The following KIAA1217 variants were observed in gnomAD, a reference collection of about 807,000 sequenced individuals.
KIAA1217 encodes sickle tail protein homolog.
Under a neutral mutation model 163.9 loss-of-function variants are expected in KIAA1217, and 88 were observed. That is an observed-to-expected ratio of 0.54 (90% CI 0.45 to 0.64). The LOEUF is 0.64. KIAA1217 is among the 30% of genes least tolerant of loss of function. The pLI, the probability that KIAA1217 is intolerant of heterozygous loss-of-function variation, is 0.00. For synonymous variants in KIAA1217, 903 were observed against 923.1 expected (o/e 0.98, Z 0.39); for missense variants, 2,372 against 2,475.0 (o/e 0.96, Z 0.88).
chr10:24,483,429 C>T (rs1333842072), intron 6 of KIAA1217, among the ~76,000 whole-genome samples: 1 of 152,154 alleles, frequency 6.6e-6, no homozygotes, highest in Admixed American at 6.5e-5. Context: ...CCTTTCATGT[C>T]GAGCCTCAGC....
intron 9 of KIAA1217, among the ~76,000 whole-genome samples, chr10:24,505,385 C>T (rs1215197559): frequency 2.6e-5 from 4 of 151,756 alleles, no homozygotes; most frequent in African/African-American, 7.3e-5. Context: ...GGTTTTGTGC[C>T]TAACAGATGT....
intron 2 of KIAA1217, among the ~76,000 whole-genome samples, chr10:24,329,975 C>T (rs2045448042): frequency 6.6e-6 from 1 of 152,066 alleles, no homozygotes; most frequent in Non-Finnish European, 1.5e-5. Context: ...CATAATTTAC[C>T]TAAGGATTCA....
At chr10:24,146,762 G>A (rs1353203911) in intron 2 of KIAA1217, among the ~76,000 whole-genome samples, 1 of 152,124 alleles carries the variant, frequency 6.6e-6, no homozygotes, top group African/African-American at 2.4e-5. Context: ...CTGATGGAAG[G>A]AGACAGGCTA....
chr10:23,731,737 AT>A (rs60851161), intron 1 of KIAA1217, among the ~76,000 whole-genome samples: 43,023 of 150,284 alleles, frequency 0.29, 7,035 homozygotes, highest in African/African-American at 0.45. Context: ...GCTGTAGGGG[AT>A]TTTTTTTTTC....
intron 2 of KIAA1217, among the ~76,000 whole-genome samples, chr10:24,332,961 A>G (rs1673889411): frequency 2.6e-5 from 4 of 152,152 alleles, no homozygotes; most frequent in Non-Finnish European, 5.9e-5. Context: ...ACAGTCAGAA[A>G]TAATGTAGTA....
intron 5 of KIAA1217, among the ~76,000 whole-genome samples, chr10:24,451,042 G>C (rs1368452402): frequency 6.6e-6 from 1 of 152,146 alleles, no homozygotes; most frequent in African/African-American, 2.4e-5. Flanking sequence ...TGTTTATCCA[G>C]GGACCTGGTT....
chr10:23,797,163 T>C (rs756685649), intron 1 of KIAA1217, among the ~76,000 whole-genome samples: 5 of 152,140 alleles, frequency 3.3e-5, no homozygotes, highest in Non-Finnish European at 2.9e-5. Context: ...CATAGTGTTA[T>C]GTGGGTCTGG....
At chr10:24,219,008 T>A (rs918447921) in intron 1 of KIAA1217, among the ~76,000 whole-genome samples, 2 of 152,158 alleles carry the variant, frequency 1.3e-5, no homozygotes, top group African/African-American at 4.8e-5. Flanking sequence ...ACAGAAATAA[T>A]CAGAATCACT....
chr10:23,749,419 G>C (rs546399089), intron 1 of KIAA1217, among the ~76,000 whole-genome samples: 1 of 151,720 alleles, frequency 6.6e-6, no homozygotes, highest in East Asian at 1.9e-4. Context: ...TTAGTCTTTT[G>C]CTTTTTTTTT....
At chr10:24,079,857 A>G (rs1797509559) in intron 2 of KIAA1217, among the ~76,000 whole-genome samples, 1 of 152,220 alleles carries the variant, frequency 6.6e-6, no homozygotes, top group African/African-American at 2.4e-5. Context: ...CTGAAAATTT[A>G]GAACTGGATC....
intron 2 of KIAA1217, among the ~76,000 whole-genome samples, chr10:24,062,490 A>AGTATTCC (rs2060766588): frequency 6.6e-6 from 1 of 151,570 alleles, no homozygotes; most frequent in Non-Finnish European, 1.5e-5. Context: ...ATGGCTGCAT[A>AGTATTCC]GTATTCCATG....
intron 2 of KIAA1217, among the ~76,000 whole-genome samples, chr10:24,128,628 T>C (rs1395837304): frequency 3.3e-5 from 5 of 152,202 alleles, no homozygotes; most frequent in African/African-American, 1.2e-4. Context: ...CTACATGTGC[T>C]GTGGCACATT....
chr10:24,012,872 A>G (rs368078751), intron 2 of KIAA1217, among the ~76,000 whole-genome samples: 5 of 152,148 alleles, frequency 3.3e-5, no homozygotes, highest in African/African-American at 4.8e-5. Context: ...AAACAGAACT[A>G]TTTTGGGGAG....
At chr10:24,156,374 C>A (rs114171031) in intron 2 of KIAA1217, among the ~76,000 whole-genome samples, 1 of 152,044 alleles carries the variant, frequency 6.6e-6, no homozygotes, top group Non-Finnish European at 1.5e-5. Flanking sequence ...TAAATGTTGA[C>A]GTATATTTGG....
chr10:23,773,440 A>G (rs1330434520), intron 1 of KIAA1217, among the ~76,000 whole-genome samples: 1 of 151,494 alleles, frequency 6.6e-6, no homozygotes, highest in Non-Finnish European at 1.5e-5. Flanking sequence ...TGACTTGGCG[A>G]TGTGGGCTCT....
chr10:24,232,106 C>CTT (rs1389172590), intron 2 of KIAA1217, among the ~76,000 whole-genome samples: 3 of 152,218 alleles, frequency 2.0e-5, no homozygotes, highest in Non-Finnish European at 4.4e-5. Context: ...AGGACTGACA[C>CTT]TTTGAGTTGT....
intron 2 of KIAA1217, among the ~76,000 whole-genome samples, chr10:24,312,478 G>C (rs1337447940): frequency 6.6e-6 from 1 of 152,138 alleles, no homozygotes; most frequent in Non-Finnish European, 1.5e-5. Context: ...AATTAGCTGG[G>C]CGTGGTGGCG....
At chr10:24,545,763 GCC>G (rs1427491235) in intron 20 of KIAA1217, 62 bp from the exon 21 acceptor site, 78 of 1,530,588 alleles carry the variant, frequency 5.1e-5, no homozygotes, top group Non-Finnish European at 6.7e-5. Context: ...GTGTTGCCAG[GCC>G]CTGTGGGTTG....
chr10:24,286,516 C>T (rs566861951), intron 2 of KIAA1217, among the ~76,000 whole-genome samples: 4 of 151,730 alleles, frequency 2.6e-5, no homozygotes, highest in Non-Finnish European at 5.9e-5. Flanking sequence ...CTTAAATGTG[C>T]AAGACCGGGA....
Sources: allele counts gnomAD v4.1 joint callset (sites outside exome capture counted in the v4.1 genomes callset), GRCh38; gene constraint gnomAD v4.1.1; transcripts MANE v1.5; gene names NCBI Gene and HGNC (gene_info 2026-07-23, HGNC 2026-07-21).